Variants in CACNG2 observed in about 807,000 individuals in gnomAD.
The protein encoded by CACNG2 is calcium voltage-gated channel auxiliary subunit gamma 2.
A neutral mutation model predicts 25.9 loss-of-function variants in CACNG2; 3 were observed. The observed-to-expected ratio is 0.12, with a 90% CI of 0.05 to 0.30. The LOEUF (loss-of-function observed/expected upper bound fraction) is 0.30. CACNG2 is among the 10% of genes least tolerant of loss of function. The pLI is 1.00. For missense variants in CACNG2, 341 were observed against 432.5 expected, an observed-to-expected ratio of 0.79 and a Z score of 1.88; for synonymous variants, 167 against 173.3, an observed-to-expected ratio of 0.96 and a Z score of 0.29.
At chr22:36,609,245 C>T (rs1029324916) in intron 1 of CACNG2, among the ~76,000 whole-genome samples, 7 of 145,978 alleles carry the variant, frequency 4.8e-5, no homozygotes, top group African/African-American at 1.8e-4. Flanking sequence ...AATCAGCCCC[C>T]CAGAGTGTGA....
chr22:36,639,147 T>C (rs187343522), intron 1 of CACNG2, among the ~76,000 whole-genome samples: 1 of 152,338 alleles, frequency 6.6e-6, no homozygotes, highest in East Asian at 1.9e-4. Context: ...GGAAAGTCAC[T>C]TCACTTCACT....
chr22:36,662,908 C>T (rs765545093), intron 1 of CACNG2, among the ~76,000 whole-genome samples: 1 of 152,098 alleles, frequency 6.6e-6, no homozygotes, highest in Non-Finnish European at 1.5e-5. Context: ...CTTCTTTTTA[C>T]TCATCTCTTT....
intron 1 of CACNG2, among the ~76,000 whole-genome samples, chr22:36,637,076 T>C (rs779420621): frequency 2.0e-5 from 3 of 152,202 alleles, no homozygotes; most frequent in Non-Finnish European, 1.5e-5. Context: ...ACATCTGCTG[T>C]GTGAGGCTCT....
At chr22:36,565,688 C>T (rs1441113772) in intron 3 of CACNG2, among the ~76,000 whole-genome samples, 2 of 152,184 alleles carry the variant, frequency 1.3e-5, no homozygotes, top group Non-Finnish European at 2.9e-5. Flanking sequence ...TGAGGCCTCG[C>T]TGTGTTGCCC....
At chr22:36,663,333 C>T (rs755314351) in intron 1 of CACNG2, among the ~76,000 whole-genome samples, 1 of 152,120 alleles carries the variant, frequency 6.6e-6, no homozygotes, top group Non-Finnish European at 1.5e-5. Flanking sequence ...CTTTGGTTTT[C>T]GCCAAGGGGT....
Position 36,696,167 on chromosome 22 carries a change from A to C in CACNG2, c.211+6199T>G, listed in dbSNP as rs1004701683. Among the ~76,000 whole-genome samples, 8 of 152,292 alleles carry C rather than the reference A, an allele frequency of 5.3e-5. 1 individual carries two copies. Among genetic ancestry groups the C allele is most frequent in the Admixed American group, 5.2e-4 (8 of 15,296 alleles). On this transcript the variant is annotated intron_variant, in intron 1 of 3. Coordinates refer to ENST00000300105, the MANE Select transcript of CACNG2 (RefSeq NM_006078.5). ...GTGACAGACACTTTAGATGGTGTGGAGGGAGGAATGTGTGGCCAGGATCTA... is the reference window on the plus strand; with the variant it reads ...GTGACAGACACTTTAGATGGTGTGGCGGGAGGAATGTGTGGCCAGGATCTA...
chr22:36,603,974 G>A (rs919376544), intron 1 of CACNG2, among the ~76,000 whole-genome samples: 3 of 152,208 alleles, frequency 2.0e-5, no homozygotes, highest in African/African-American at 7.2e-5. Context: ...ATAGCTGCCA[G>A]AGACAGTGAT....
Position 36,660,825 on chromosome 22 carries a change from C to T in CACNG2, c.211+41541G>A, listed in dbSNP as rs1028049879. On this transcript the variant is annotated intron_variant, in intron 1 of 3. Transcript: ENST00000300105. ...CAGTCCTCACTCACAACCTACTCTG[C>T]TAAAGTTTTTTAAATCATGGCTTCT... 2.6e-5 allele frequency among the ~76,000 whole-genome samples: 4 copies of T among 152,250 alleles called. No individual in the cohort carries two copies. The East Asian group carries it at 7.7e-4, about 29-fold the overall frequency.
intron 1 of CACNG2, among the ~76,000 whole-genome samples, chr22:36,605,759 C>T (rs1935822019): frequency 6.6e-6 from 1 of 152,172 alleles, no homozygotes; most frequent in African/African-American, 2.4e-5. Context: ...ACAGATAGAT[C>T]ACACAGTCTC....
At chr22:36,637,177 A>C (rs891251110) in intron 1 of CACNG2, among the ~76,000 whole-genome samples, 1 of 152,182 alleles carries the variant, frequency 6.6e-6, no homozygotes, top group African/African-American at 2.4e-5. Context: ...TTTACTTAGC[A>C]CATGCTCAAT....
At chr22:36,635,985 T>C (rs1936351233) in intron 1 of CACNG2, among the ~76,000 whole-genome samples, 1 of 152,226 alleles carries the variant, frequency 6.6e-6, no homozygotes, top group Non-Finnish European at 1.5e-5. Context: ...TGCATCTCGT[T>C]CTGTGGTATA....
intron 1 of CACNG2, among the ~76,000 whole-genome samples, chr22:36,681,295 G>C (rs566497187): frequency 1.6e-3 from 243 of 152,298 alleles, no homozygotes; most frequent in Non-Finnish European, 2.9e-3. Context: ...CCCTCGCAGA[G>C]ACTGGACTTT....
At chr22:36,678,303 A>G (rs1937043208) in intron 1 of CACNG2, among the ~76,000 whole-genome samples, 1 of 152,218 alleles carries the variant, frequency 6.6e-6, no homozygotes. Context: ...TTTCAGTCTA[A>G]TGTTACAAGG....
At chr22:36,687,773 G>A (rs541473027) in intron 1 of CACNG2, among the ~76,000 whole-genome samples, 2 of 152,108 alleles carry the variant, frequency 1.3e-5, no homozygotes, top group Non-Finnish European at 2.9e-5. Context: ...GGGGGAAGCA[G>A]GAGAATCACG....
chr22:36,702,380 G>A lies in CACNG2; in HGVS notation c.197C>T (p.Thr66Ile). The A allele has an allele frequency of 1.2e-6, 2 of 1,613,498 alleles. No individual in the cohort carries two copies. The highest frequency in any genetic ancestry group is 1.7e-6 in the Non-Finnish European group (2 of 1,179,576). The change falls in exon 1 of 4, where the codon ACC becomes ATC. Residue 66 changes from threonine (T) to isoleucine (I), a missense_variant. Coordinates refer to ENST00000300105, the MANE Select transcript of CACNG2 (RefSeq NM_006078.5). ...EVMTHSGLWR[T>I]CCLEGNFKGL... The stretch of plus-strand genomic sequence containing the variant: ...AAGTCAAGTACCTTCTAGGCAGCAG[G>A]TTCTCCATAATCCGGAATGGGTCAT...
At chr22:36,584,786 C>T (rs948822795) in intron 2 of CACNG2, 1 of 152,332 alleles carries the variant, frequency 6.6e-6, no homozygotes, top group African/African-American at 2.4e-5. Context: ...CTGTAGGTCT[C>T]CCTCCAGATG....
intron 1 of CACNG2, among the ~76,000 whole-genome samples, chr22:36,652,170 T>G (rs144413249): frequency 7.2e-4 from 110 of 152,284 alleles, no homozygotes; most frequent in African/African-American, 2.6e-3. Context: ...CCATCCTGTT[T>G]CTTAAATAGA....
At chr22:36,633,863 C>G (rs1201757872) in intron 1 of CACNG2, among the ~76,000 whole-genome samples, 1 of 152,192 alleles carries the variant, frequency 6.6e-6, no homozygotes, top group Non-Finnish European at 1.5e-5. Flanking sequence ...CAAAATACAT[C>G]TGAAAGTCGG....
rs1569032646 is a variant in CACNG2, at chr22:36,623,011, G to GATTTTTTTTTTT, written c.212-35464_212-35463insAAAAAAAAAAAT. 2.1e-5 allele frequency among the ~76,000 whole-genome samples: 2 copies of GATTTTTTTTTTT among 93,224 alleles called. 1 individual carries two copies. The highest frequency in any genetic ancestry group is 8.8e-5 in the African/African-American group (2 of 22,754). The allele number at this position is 93,224 out of a possible 152,430, so 61.2% of individuals were successfully genotyped here. On this transcript the variant is annotated intron_variant, in intron 1 of 3. Coordinates refer to ENST00000300105, the MANE Select transcript of CACNG2 (RefSeq NM_006078.5). ...TTTCTCATTCAGTCTTCAAAACATG[G>GATTTTTTTTTTT]GTTTTTTTTTTTTTTTTTTTTTTTT...
Sources: allele counts gnomAD v4.1 joint callset (sites outside exome capture counted in the v4.1 genomes callset), GRCh38; gene constraint gnomAD v4.1.1; transcripts MANE v1.5; gene names NCBI Gene and HGNC (gene_info 2026-07-23, HGNC 2026-07-21).